The following NPC1 variants were observed in gnomAD, a reference collection of about 807,000 sequenced individuals.
The protein encoded by NPC1 is NPC intracellular cholesterol transporter 1, also known as Niemann-Pick C1 protein.
Under a neutral mutation model 140.4 loss-of-function variants are expected in NPC1, and 85 were observed. The observed-to-expected ratio is 0.61, with a 90% CI of 0.51 to 0.72. The LOEUF (loss-of-function observed/expected upper bound fraction) is 0.72. Ranked by LOEUF, NPC1 falls within the 30% of genes least tolerant of loss-of-function variation. The pLI is 0.00. For synonymous variants in NPC1, 656 were observed against 624.8 expected, an observed-to-expected ratio of 1.05 and a Z score of -0.74; for missense variants, 1,504 against 1,623.8, an observed-to-expected ratio of 0.93 and a Z score of 1.27.
chr18:23,516,730 T>C (rs2058017157), intron 3 of NPC1, among the ~76,000 whole-genome samples: 1 of 151,146 alleles, frequency 6.6e-6, no homozygotes, highest in Non-Finnish European at 1.5e-5. Context: ...TCTTCTTCTT[T>C]TTTTTTTTTT....
chr18:23,545,452 A>T (rs1408406128), intron 11 of NPC1, among the ~76,000 whole-genome samples: 1 of 152,212 alleles, frequency 6.6e-6, no homozygotes, highest in Admixed American at 6.5e-5. Flanking sequence ...CATGTTGGCC[A>T]GGCTAGTCTC....
At chr18:23,558,993 A>G (rs1055334931) in intron 6 of NPC1, among the ~76,000 whole-genome samples, 1 of 151,948 alleles carries the variant, frequency 6.6e-6, no homozygotes, top group African/African-American at 2.4e-5. Flanking sequence ...TGTCCTTGCG[A>G]TATTTTGCTG....
At chr18:23,562,224 G>T (rs900899921) in intron 4 of NPC1, among the ~76,000 whole-genome samples, 12 of 151,438 alleles carry the variant, frequency 7.9e-5, no homozygotes, top group Non-Finnish European at 7.4e-5. Context: ...GGGAGGCAGA[G>T]CTTGAAGTGA....
Position 23,531,977 on chromosome 18 carries a change from C to G in NPC1, c.*225G>C. 12 of 1,454,756 alleles carry G rather than the reference C, an allele frequency of 8.2e-6. No individual in the cohort carries two copies. The highest frequency in any genetic ancestry group is 5.1e-4 in the Middle Eastern group (2 of 3,958). The allele number at this position is 1,454,756 out of a possible 1,614,324, so 90.1% of individuals were successfully genotyped here. A position where few individuals can be genotyped will look rare whatever the true frequency, so the allele number is the denominator to read the frequency against. ...GAATGAGGTTTCTTTCCTGAAGAGG[C>G]TGGGAGAAGTTTAGTGTCCTGTGGT... On this transcript the variant is annotated 3_prime_UTR_variant, in exon 25 of 25. Transcript: ENST00000269228.
intron 3 of NPC1, 112 bp from the exon 4 acceptor site, chr18:23,569,110 C>T: frequency 1.3e-6 from 1 of 759,426 alleles, no homozygotes; most frequent in Non-Finnish European, 2.2e-6. Flanking sequence ...GACAAATTAC[C>T]AAGAGAACAT....
At chr18:23,510,030 A>G (rs1567914788) in intron 3 of NPC1, among the ~76,000 whole-genome samples, 1 of 150,678 alleles carries the variant, frequency 6.6e-6, no homozygotes, top group Non-Finnish European at 1.5e-5. Context: ...AAAAAAAAAA[A>G]AAAGAAAAGA....
chr18:23,563,988 T>TTTG (rs386387176), intron 4 of NPC1, among the ~76,000 whole-genome samples: 534 of 18,402 alleles, frequency 0.029, 12 homozygotes, highest in African/African-American at 0.14. Flanking sequence ...GTAGTAAGAG[T>TTTG]TTTTTTTTTT....
At chr18:23,507,371 C>A (rs1363559328) in intron 3 of NPC1, among the ~76,000 whole-genome samples, 1 of 152,246 alleles carries the variant, frequency 6.6e-6, no homozygotes, top group South Asian at 2.1e-4. Context: ...GTGATTCTCT[C>A]GCCTCAGTCT....
chr18:23,539,878 C>T lies in NPC1; in HGVS notation c.2728G>A (p.Gly910Ser), dbSNP rs768999208. The T allele has an allele frequency of 1.9e-6, 3 of 1,614,184 alleles. No individual in the cohort carries two copies. Among genetic ancestry groups the T allele is most frequent in the South Asian group, 1.1e-5 (1 of 91,084 alleles). Residue 910 changes from glycine (G) to serine (S), a missense_variant, in exon 18 of 25, where the codon GGC becomes AGC. Coordinates refer to ENST00000269228, the MANE Select transcript of NPC1 (RefSeq NM_000271.5). ...TSSKGQNMVC[G>S]GMGCNNDSLV... is the part of the protein sequence containing the mutation. ...GAATCATTGTTGCAGCCCATGCCGCCGCACACCATGTTCTGCCCCTTGGAA... is the reference window on the plus strand; with the variant it reads ...GAATCATTGTTGCAGCCCATGCCGCTGCACACCATGTTCTGCCCCTTGGAA...
intron 23 of NPC1, 58 bp from the exon 24 acceptor site, chr18:23,533,575 ACACT>A: frequency 6.7e-7 from 1 of 1,502,064 alleles, no homozygotes; most frequent in Non-Finnish European, 9.3e-7. Flanking sequence ...TTGAACAAAA[ACACT>A]TCCTTACAAG....
chr18:23,534,611 G>A, intron 22 of NPC1, 52 bp from the exon 23 acceptor site: 1 of 1,434,980 alleles, frequency 7.0e-7, no homozygotes, highest in South Asian at 1.2e-5. Flanking sequence ...GAAGACCCTA[G>A]GCAGCCACCC....
At chr18:23,533,217 T>C in intron 24 of NPC1, 138 bp downstream of exon 24, 1 of 990,138 alleles carries the variant, frequency 1.0e-6, no homozygotes, top group Non-Finnish European at 1.5e-6. Context: ...TAGAAGAAAT[T>C]TTTTTACTCA....
chr18:23,513,005 G>C (rs926766503), intron 3 of NPC1, among the ~76,000 whole-genome samples: 1 of 152,020 alleles, frequency 6.6e-6, no homozygotes, highest in African/African-American at 2.4e-5. Flanking sequence ...CCAGGCTGGA[G>C]TGCAGTGGCG....
intron 19 of NPC1, among the ~76,000 whole-genome samples, chr18:23,539,095 A>T (rs2058674861): frequency 1.3e-5 from 2 of 152,184 alleles, no homozygotes; most frequent in Non-Finnish European, 1.5e-5. Flanking sequence ...CTGGAGTTAG[A>T]ACAGGATGAG....
intron 23 of NPC1, chr18:23,534,093 G>C: frequency 2.2e-6 from 1 of 445,010 alleles, no homozygotes; most frequent in Non-Finnish European, 4.2e-6. Context: ...GCTAAGCCAG[G>C]GTGTAGAGTT....
chr18:23,535,545 A>G lies in NPC1; in HGVS notation c.3401T>C (p.Val1134Ala). The G allele has an allele frequency of 1.9e-6, 3 of 1,614,052 alleles. No individual in the cohort carries two copies. The highest frequency in any genetic ancestry group is 2.5e-6 in the Non-Finnish European group (3 of 1,179,998). ...AVIMCATIAM[V>A]LVNMFGVMWL... ...CATAACTCCAAACATGTTGACCAAGACCATGGCGATGGTGGCACACATGAT... is the reference window on the plus strand; with the variant it reads ...CATAACTCCAAACATGTTGACCAAGGCCATGGCGATGGTGGCACACATGAT... Residue 1134 changes from valine to alanine, a missense_variant, in exon 22 of 25, where the codon GTC (valine) becomes GCC (alanine). Coordinates refer to ENST00000269228, the MANE Select transcript of NPC1 (RefSeq NM_000271.5).
chr18:23,527,181 C>T (rs1160520501), downstream of NPC1, among the ~76,000 whole-genome samples: 1 of 131,014 alleles, frequency 7.6e-6, no homozygotes, highest in African/African-American at 3.0e-5. Flanking sequence ...CCTAGGAGTT[C>T]GAGACCAGCC....
At position 23,541,438 on chromosome 18, in the gene NPC1, C is replaced by T. The variant is rs77289650; in HGVS notation, c.2246-5G>A. On this transcript the variant is annotated splice_region_variant and splice_polypyrimidine_tract_variant and intron_variant, in intron 14 of 24. Transcript: ENST00000269228. The stretch of plus-strand genomic sequence containing the variant: ...CTGGCATCACGGACAATGCTCCTGT[C>T]GGGGAGAGAAGGGCTCTGCGTCACT... 37 of 1,614,030 alleles carry T rather than the reference C, an allele frequency of 2.3e-5. No homozygotes were observed. The highest frequency in any genetic ancestry group is 3.3e-4 in the Middle Eastern group (2 of 6,084).
At chr18:23,514,586 TAGG>T (rs1453033009) in intron 3 of NPC1, among the ~76,000 whole-genome samples, 2 of 151,944 alleles carry the variant, frequency 1.3e-5, no homozygotes, top group Non-Finnish European at 2.9e-5. Context: ...TAATGACCAA[TAGG>T]AGAACTTTAA....
Sources: gnomAD v4.1 joint callset for allele counts (sites outside exome capture counted in the v4.1 genomes callset) on GRCh38, gnomAD v4.1.1 for gene constraint, MANE v1.5 for transcripts, NCBI Gene and HGNC (gene_info 2026-07-23, HGNC 2026-07-21) for gene names.